Variants in KIDINS220 observed in about 807,000 individuals in gnomAD.
KIDINS220 encodes the protein kinase D-interacting substrate of 220 kDa.
In KIDINS220, 63 loss-of-function variants were observed where a neutral mutation model predicts 157.6. The observed-to-expected ratio is 0.40, with a 90% confidence interval of 0.33 to 0.49. The LOEUF is 0.49. KIDINS220 is among the 20% of genes least tolerant of loss of function. The probability of loss-of-function intolerance (pLI) is 0.66; values close to 1 mark genes in which losing one functional copy is unlikely to be tolerated. For missense variants in KIDINS220, 1,772 were observed against 2,171.2 expected (o/e 0.82, Z 3.65); for synonymous variants, 732 against 783.6 (o/e 0.93, Z 1.10).
At chr2:8,815,782 T>C (rs1432851781) in intron 4 of KIDINS220, among the ~76,000 whole-genome samples, 9 of 152,234 alleles carry the variant, frequency 5.9e-5, no homozygotes, top group Non-Finnish European at 1.5e-5. Context: ...CTGAGACCAA[T>C]TAACTATAGT....
At chr2:8,750,379 C>T (rs1667185500) in intron 23 of KIDINS220, 44 bp from the exon 24 acceptor site, 2 of 1,340,010 alleles carry the variant, frequency 1.5e-6, no homozygotes, top group Non-Finnish European at 2.0e-6. Flanking sequence ...GAAAACAGGA[C>T]ATTAGGAATC....
Position 8,837,496 on chromosome 2 carries a change from G to A in KIDINS220, c.-53C>T, listed in dbSNP as rs1680603699. 6.6e-6 allele frequency: 1 copy of A among 152,338 alleles called. No homozygotes were observed. Among genetic ancestry groups the A allele is most frequent in the East Asian group, 1.9e-4 (1 of 5,194 alleles). 9.4% of individuals were successfully genotyped at this position (152,338 alleles called of 1,614,324 possible). A position where few individuals can be genotyped will look rare whatever the true frequency, so the allele number is the denominator to read the frequency against. ...TCTCCCAACCTGGTCCTCAGCTCCGGCGGAACGGGCCCGCTCGGCTGCAGG... is the reference window on the plus strand; with the variant it reads ...TCTCCCAACCTGGTCCTCAGCTCCGACGGAACGGGCCCGCTCGGCTGCAGG... On this transcript the variant is annotated 5_prime_UTR_variant, in exon 1 of 30. Transcript: ENST00000256707.
intron 22 of KIDINS220, among the ~76,000 whole-genome samples, chr2:8,759,166 A>G (rs1052879760): frequency 6.6e-6 from 1 of 152,230 alleles, no homozygotes; most frequent in African/African-American, 2.4e-5. Flanking sequence ...TCATCATGGC[A>G]TGCCTTCTTC....
intron 6 of KIDINS220, among the ~76,000 whole-genome samples, 173 bp from the exon 7 acceptor site, chr2:8,806,542 G>C (rs912845462): frequency 6.6e-6 from 1 of 151,934 alleles, no homozygotes; most frequent in African/African-American, 2.4e-5. Context: ...TATTTCTCCT[G>C]AGTAGATTAA....
At chr2:8,727,961 G>A (rs533655905), downstream of KIDINS220, among the ~76,000 whole-genome samples, 38 of 152,294 alleles carry the variant, frequency 2.5e-4, no homozygotes, top group African/African-American at 9.1e-4. Flanking sequence ...GCAGCACTCC[G>A]TAAGGCCACG....
Position 8,729,923 on chromosome 2 carries a change from A to G in KIDINS220, c.*797T>C. 4.1e-6 allele frequency: 4 copies of G among 985,386 alleles called. No homozygotes were observed. Among genetic ancestry groups the G allele is most frequent in the Non-Finnish European group, 4.8e-6 (4 of 829,934 alleles). 61.0% of individuals were successfully genotyped at this position (985,386 alleles called of 1,614,324 possible). A position where few individuals can be genotyped will look rare whatever the true frequency, so the allele number is the denominator to read the frequency against. On this transcript the variant is annotated 3_prime_UTR_variant, in exon 30 of 30. Coordinates refer to ENST00000256707, the MANE Select transcript of KIDINS220 (RefSeq NM_020738.4). ...CTTCTCATTGCTAAGCTCACTTAGA[A>G]AAGTTGGGCACCATTTAAAAGAGTT...
At chr2:8,796,912 C>G in intron 10 of KIDINS220, 43 bp from the exon 11 acceptor site, 2 of 1,382,826 alleles carry the variant, frequency 1.4e-6, no homozygotes, top group South Asian at 2.3e-5. Flanking sequence ...AATAGCTTGA[C>G]TCCTGTGTTT....
chr2:8,815,969 T>C (rs1406435861), intron 4 of KIDINS220, among the ~76,000 whole-genome samples: 1 of 152,042 alleles, frequency 6.6e-6, no homozygotes, highest in Admixed American at 6.5e-5. Flanking sequence ...TTCCCTCAAC[T>C]TGGGAAGTTG....
intron 2 of KIDINS220, among the ~76,000 whole-genome samples, chr2:8,819,269 A>C (rs1471060111): frequency 2.0e-5 from 3 of 152,206 alleles, no homozygotes; most frequent in South Asian, 2.1e-4. Context: ...ACACATATGT[A>C]GTTTTTTAAA....
intron 11 of KIDINS220, among the ~76,000 whole-genome samples, chr2:8,794,715 C>T (rs1673667170): frequency 6.6e-6 from 1 of 152,200 alleles, no homozygotes; most frequent in African/African-American, 2.4e-5. Context: ...CAAAAGTCCT[C>T]TTCGGGCTGC....
At chr2:8,764,846 G>A (rs898385596) in intron 22 of KIDINS220, among the ~76,000 whole-genome samples, 1 of 152,034 alleles carries the variant, frequency 6.6e-6, no homozygotes, top group African/African-American at 2.4e-5. Flanking sequence ...TTGTCTAGAA[G>A]CAAAAAAATT....
intron 6 of KIDINS220, among the ~76,000 whole-genome samples, chr2:8,810,783 C>CA (rs113178566): frequency 0.043 from 6,424 of 148,982 alleles, 488 homozygotes; most frequent in African/African-American, 0.15. Context: ...GAGACTCTGT[C>CA]AAAAAAAAAC....
chr2:8,779,047 A>G lies in KIDINS220; in HGVS notation c.2463T>C (p.Ser821=), dbSNP rs759085231. Residue 821 remains serine (S), a synonymous_variant, in exon 19 of 30, where the codon AGT becomes AGC. Coordinates refer to ENST00000256707, the MANE Select transcript of KIDINS220 (RefSeq NM_020738.4). ...IIKAINQNLN[S]VLRDSNINGH... ...CATTTATATTTGAATCCCGAAGCAC[A>G]CTATTGAGGTTCTGGTTAATTGCCT... 3.1e-6 allele frequency: 5 copies of G among 1,614,024 alleles called. No homozygotes were observed. The South Asian group carries it at 3.3e-5, about 11-fold the overall frequency.
chr2:8,768,154 A>G (rs1464491533), intron 22 of KIDINS220, among the ~76,000 whole-genome samples: 4 of 152,192 alleles, frequency 2.6e-5, no homozygotes, highest in Admixed American at 2.6e-4. Context: ...TTTTAGATTA[A>G]AATATTTCAA....
chr2:8,814,716 C>T (rs1676810574), intron 4 of KIDINS220, among the ~76,000 whole-genome samples: 1 of 152,158 alleles, frequency 6.6e-6, no homozygotes, highest in African/African-American at 2.4e-5. Flanking sequence ...AAAGTATCTT[C>T]CCCCAAATAT....
Position 8,770,708 on chromosome 2 carries a change from A to T in KIDINS220, c.2973T>A (p.Gly991=). The change falls in exon 22 of 30, where the codon GGT becomes GGA. Residue 991 remains glycine (G), a synonymous_variant. Transcript: ENST00000256707. ...WLILYLEETE[G]IPDQMTLKTI... is the part of the protein sequence containing the mutation. ...TTTTTAATGTCATTTGATCTGGAATACCTTCAGTCTCTTCCAAATATAATA... is the reference window on the plus strand; with the variant it reads ...TTTTTAATGTCATTTGATCTGGAATTCCTTCAGTCTCTTCCAAATATAATA... The T allele has an allele frequency of 6.2e-7, 1 of 1,608,392 alleles. No individual in the cohort carries two copies. Among genetic ancestry groups the T allele is most frequent in the Middle Eastern group, 1.7e-4 (1 of 6,044 alleles).
rs1263860896 is a variant in KIDINS220 at position 8,731,988 on chromosome 2, A to G, written c.4054-6T>C. The G allele has an allele frequency of 2.6e-6, 4 of 1,544,508 alleles. No homozygotes were observed. Among genetic ancestry groups the G allele is most frequent in the Non-Finnish European group, 3.5e-6 (4 of 1,151,330 alleles). ...GGGGTTCTGCGAGTTTGTGACTGTG[A>G]AGACAGAAAAAAAATAATTTAAAAA... On this transcript the variant is annotated splice_polypyrimidine_tract_variant and splice_region_variant and intron_variant, in intron 29 of 29. Coordinates refer to ENST00000256707, the MANE Select transcript of KIDINS220 (RefSeq NM_020738.4). The surrounding 1 kb of genome is among the most constrained non-coding windows in gnomAD (Gnocchi z 5.2).
chr2:8,750,194 A>G lies in KIDINS220; in HGVS notation c.3332T>C (p.Phe1111Ser), dbSNP rs564177274. The change falls in exon 24 of 30, where the codon TTC becomes TCC. Residue 1111 changes from phenylalanine (F) to serine (S), a missense_variant. By Grantham distance (155) the Phe-to-Ser change is radical. Transcript: ENST00000256707. ...VCSSTSFNGP[F>S]AGGVVSPQPH... ...CTGTGGTGACACCACTCCACCTGCG[A>G]AGGGCCCATTGAAGGACGTGGAAGA... The G allele has an allele frequency of 1.9e-6, 3 of 1,614,168 alleles. No individual in the cohort carries two copies. The South Asian group carries it at 3.3e-5, about 18-fold the overall frequency.
At position 8,806,272 on chromosome 2, in the gene KIDINS220, G is replaced by C; in HGVS notation, c.602C>G (p.Ala201Gly). The C allele has an allele frequency of 6.3e-7, 1 of 1,590,544 alleles. No individual in the cohort carries two copies. Among genetic ancestry groups the C allele is most frequent in the Non-Finnish European group, 8.6e-7 (1 of 1,166,870 alleles). ...AGCATTAAAATATAAGATACTTACA[G>C]CTCCTTCTTGATCCACATCAGCTCC... ...AMGADVDQEG[A>G]NSMTALIVAV... is the part of the protein sequence containing the mutation. Residue 201 changes from alanine to glycine, a missense_variant and splice_region_variant, in exon 7 of 30, where the codon GCT becomes GGT. This residue lies in a region of KIDINS220 where 254 missense variants were observed against 268.6 expected (regional missense o/e 0.95). Transcript: ENST00000256707.
Sources: allele counts gnomAD v4.1 joint callset (sites outside exome capture counted in the v4.1 genomes callset), GRCh38; gene constraint gnomAD v4.1.1; regional missense constraint gnomAD v4.1.1; non-coding constraint Gnocchi (gnomAD v3.1); transcripts MANE v1.5; gene names NCBI Gene and HGNC (gene_info 2026-07-23, HGNC 2026-07-21).